The following SEMA3C variants were observed in gnomAD, a reference collection of about 807,000 sequenced individuals.
SEMA3C encodes the protein semaphorin 3C.
SEMA3C carries 47 observed loss-of-function variants against 89.4 expected under a neutral mutation model. The ratio of observed to expected loss-of-function variants is 0.53; its 90% CI spans 0.42 to 0.67. SEMA3C has a LOEUF of 0.67. SEMA3C is among the 30% of genes least tolerant of loss of function. SEMA3C has a pLI of 0.00. For synonymous variants in SEMA3C, 310 were observed against 320.2 expected, an observed-to-expected ratio of 0.97 and a Z score of 0.34; for missense variants, 839 against 929.1, an observed-to-expected ratio of 0.90 and a Z score of 1.26.
intron 2 of SEMA3C, among the ~76,000 whole-genome samples, chr7:80,884,483 T>C (rs1791426083): frequency 6.6e-6 from 1 of 152,174 alleles, no homozygotes; most frequent in Admixed American, 6.5e-5. Context: ...TTCAAAAGGA[T>C]GAATAAATTA....
In SEMA3C at chr7:80,743,578, G is replaced by A. The variant is rs895216403; in HGVS notation, c.*1316C>T. 1 of 151,644 alleles carries A rather than the reference G, an allele frequency of 6.6e-6. No homozygotes were observed. Among genetic ancestry groups the A allele is most frequent in the Non-Finnish European group, 1.5e-5 (1 of 67,780 alleles). 9.4% of individuals were successfully genotyped at this position (151,644 alleles called of 1,614,324 possible). On this transcript the variant is annotated 3_prime_UTR_variant, in exon 18 of 18. Coordinates refer to ENST00000265361, the MANE Select transcript of SEMA3C (RefSeq NM_006379.5). ...TAGTGTTTTTAAAATATATATGAGA[G>A]CATGAATAATTTTTTTCACATTTTT...
intron 10 of SEMA3C, among the ~76,000 whole-genome samples, chr7:80,800,236 G>A (rs1311763248): frequency 6.6e-6 from 1 of 151,506 alleles, no homozygotes; most frequent in East Asian, 1.9e-4. Flanking sequence ...TACTTCAGAA[G>A]TAAAAAGTAT....
At chr7:80,758,627 G>A in intron 14 of SEMA3C, 139 bp from the exon 15 acceptor site, 1 of 822,434 alleles carries the variant, frequency 1.2e-6, no homozygotes, top group Non-Finnish European at 2.0e-6. Flanking sequence ...AAGCACAGAA[G>A]GGTATGAAGC....
At chr7:80,758,941 TAA>T (rs1234540377) in intron 14 of SEMA3C, among the ~76,000 whole-genome samples, 2 of 152,206 alleles carry the variant, frequency 1.3e-5, no homozygotes, top group Admixed American at 1.3e-4. Context: ...GAAAAAATGG[TAA>T]ATAGTAAGTA....
intron 2 of SEMA3C, among the ~76,000 whole-genome samples, chr7:80,839,472 G>A (rs575189253): frequency 5.7e-4 from 86 of 152,198 alleles, no homozygotes; most frequent in African/African-American, 1.8e-3. Flanking sequence ...GTATCAGCTG[G>A]AGCTCAGGGT....
At chr7:80,804,969 T>C (rs893919335) in intron 7 of SEMA3C, among the ~76,000 whole-genome samples, 1 of 152,042 alleles carries the variant, frequency 6.6e-6, no homozygotes, top group African/African-American at 2.4e-5. Context: ...TCGTTTTTTG[T>C]TTTTGTTTTT....
chr7:80,867,646 AG>A (rs1790959037), intron 2 of SEMA3C, among the ~76,000 whole-genome samples: 1 of 152,130 alleles, frequency 6.6e-6, no homozygotes, highest in Non-Finnish European at 1.5e-5. Flanking sequence ...GAGGAACAGC[AG>A]GGCACACAGT....
intron 2 of SEMA3C, among the ~76,000 whole-genome samples, chr7:80,853,393 A>C (rs1173883473): frequency 3.3e-5 from 5 of 152,238 alleles, no homozygotes; most frequent in Admixed American, 3.3e-4. Flanking sequence ...ACAAACAGAT[A>C]AAGAAAATGT....
At chr7:80,813,526 C>T (rs1193701655) in intron 5 of SEMA3C, among the ~76,000 whole-genome samples, 1 of 152,194 alleles carries the variant, frequency 6.6e-6, no homozygotes, top group Non-Finnish European at 1.5e-5. Context: ...CACTACTAAA[C>T]ACACAAATAT....
rs964946167 is a variant in SEMA3C at position 80,743,410 on chromosome 7, A to T, written c.*1484T>A. 3 of 151,914 alleles carry T rather than the reference A, an allele frequency of 2.0e-5. No homozygotes were observed. The highest frequency in any genetic ancestry group is 7.2e-5 in the African/African-American group (3 of 41,436). 9.4% of individuals were successfully genotyped at this position (151,914 alleles called of 1,614,324 possible). A position where few individuals can be genotyped will look rare whatever the true frequency, so the allele number is the denominator to read the frequency against. On this transcript the variant is annotated 3_prime_UTR_variant, in exon 18 of 18. Coordinates refer to ENST00000265361, the MANE Select transcript of SEMA3C (RefSeq NM_006379.5). ...TTAGACTGCAATACTTAAAAAGGCC[A>T]TAATCTACTTTAATTACCTTCATCA...
intron 2 of SEMA3C, among the ~76,000 whole-genome samples, chr7:80,910,024 T>C (rs1035614208): frequency 3.9e-5 from 6 of 152,162 alleles, no homozygotes; most frequent in African/African-American, 1.4e-4. Context: ...TTGTTAATAC[T>C]CATATTAATA....
In SEMA3C at chr7:80,818,438, A is replaced by T; in HGVS notation, c.328-20T>A. The T allele has an allele frequency of 6.2e-7, 1 of 1,607,568 alleles. No homozygotes were observed. The highest frequency in any genetic ancestry group is 8.5e-7 in the Non-Finnish European group (1 of 1,174,708). On this transcript the variant is annotated intron_variant, in intron 4 of 17. Transcript: ENST00000265361. ...GCCGTGCTAAAAGAATCAGTAAATA[A>T]GCAGTTAGTAACTCAATGACTTTCA...
chr7:80,778,932 C>T (rs961883914), intron 12 of SEMA3C, among the ~76,000 whole-genome samples: 2 of 152,124 alleles, frequency 1.3e-5, no homozygotes, highest in African/African-American at 4.8e-5. Context: ...TTTCCCACCC[C>T]TTAAATGAGC....
chr7:80,757,372 T>C (rs1788088814), intron 15 of SEMA3C, among the ~76,000 whole-genome samples: 1 of 152,186 alleles, frequency 6.6e-6, no homozygotes, highest in Non-Finnish European at 1.5e-5. Flanking sequence ...CATGGTTCCT[T>C]CCAACTTGGT....
rs1789905984 is a variant in SEMA3C at position 80,827,547 on chromosome 7, C to A, written c.265-60G>T. 3 of 1,351,326 alleles carry A rather than the reference C, an allele frequency of 2.2e-6. No individual in the cohort carries two copies. The East Asian group carries it at 7.7e-5, about 35-fold the overall frequency. The allele number at this position is 1,351,326 out of a possible 1,614,324, so 83.7% of individuals were successfully genotyped here. A position where few individuals can be genotyped will look rare whatever the true frequency, so the allele number is the denominator to read the frequency against. On this transcript the variant is annotated intron_variant, in intron 3 of 17. Transcript: ENST00000265361. ...CACCTGGACATATGACAGCCCAGTG[C>A]TCTTCATTTACTTTTTGTTAACAGA... is the stretch of plus-strand genomic sequence containing the variant.
intron 4 of SEMA3C, among the ~76,000 whole-genome samples, chr7:80,820,756 AAC>A (rs1434984603): frequency 6.6e-6 from 1 of 152,204 alleles, no homozygotes; most frequent in African/African-American, 2.4e-5. Flanking sequence ...TTCTGAAGAA[AAC>A]ACACAGATGA....
intron 15 of SEMA3C, among the ~76,000 whole-genome samples, chr7:80,754,963 T>TTTTTTGTTTTTTTTG (rs1562859806): frequency 7.6e-6 from 1 of 131,076 alleles, no homozygotes; most frequent in Non-Finnish European, 1.7e-5. Flanking sequence ...TTTTGTTTTT[T>TTTTTTGTTTTTTTTG]TTTTTTTTGT....
intron 2 of SEMA3C, among the ~76,000 whole-genome samples, chr7:80,885,704 T>C (rs1395588979): frequency 1.3e-5 from 2 of 152,228 alleles, no homozygotes; most frequent in African/African-American, 4.8e-5. Flanking sequence ...CTTTAACAGC[T>C]CTTTCATAAT....
intron 11 of SEMA3C, chr7:80,793,621 C>A (rs1032080745): frequency 2.8e-6 from 1 of 352,534 alleles, no homozygotes; most frequent in Non-Finnish European, 5.5e-6. Context: ...ACTCAAGAGG[C>A]AATATTTTTA....
Sources: gnomAD v4.1 joint callset for allele counts (sites outside exome capture counted in the v4.1 genomes callset) on GRCh38, gnomAD v4.1.1 for gene constraint, MANE v1.5 for transcripts, NCBI Gene and HGNC (gene_info 2026-07-23, HGNC 2026-07-21) for gene names.